The following PAQR5 variants were observed in gnomAD, a reference collection of about 807,000 sequenced individuals.
PAQR5 encodes membrane progestin receptor gamma.
PAQR5 carries 20 observed loss-of-function variants against 34.5 expected under a neutral mutation model. The ratio of observed to expected loss-of-function variants is 0.58; its 90% confidence interval spans 0.41 to 0.84. The LOEUF is 0.84. Among genes scored for constraint, PAQR5 ranks in the 40% least tolerant of loss-of-function variants. The pLI is 0.00. For missense variants in PAQR5, 378 were observed against 412.7 expected (o/e 0.92, Z 0.73); for synonymous variants, 131 against 155.6 (o/e 0.84, Z 1.18).
At chr15:69,391,568 TG>T (rs751321045) in intron 6 of PAQR5, 44 of 436,846 alleles carry the variant, frequency 1.0e-4, no homozygotes, top group South Asian at 7.0e-4. Context: ...CCTGGGTGCA[TG>T]GGCTTGTGGA....
At chr15:69,329,463 C>CTTTTTTTTT (rs1038357937) in intron 1 of PAQR5, among the ~76,000 whole-genome samples, 29 of 73,764 alleles carry the variant, frequency 3.9e-4, no homozygotes, top group African/African-American at 6.9e-4. Flanking sequence ...TTTTTTCTTT[C>CTTTTTTTTT]TTTTTTTTTT....
chr15:69,310,813 T>C (rs1396595618), intron 1 of PAQR5, among the ~76,000 whole-genome samples: 6 of 150,266 alleles, frequency 4.0e-5, no homozygotes, highest in Non-Finnish European at 8.9e-5. Context: ...CCAAGGCGGG[T>C]GGATCATGAG....
chr15:69,345,845 GT>G (rs887686686), intron 2 of PAQR5, among the ~76,000 whole-genome samples: 2 of 152,188 alleles, frequency 1.3e-5, no homozygotes, highest in African/African-American at 4.8e-5. Flanking sequence ...AGGCGAGAAG[GT>G]TGCTTGATGC....
At position 69,352,601 on chromosome 15, in the gene PAQR5, C is replaced by T. The variant is rs190203487; in HGVS notation, c.-115-7365C>T. On this transcript the variant is annotated intron_variant, in intron 2 of 8. Transcript: ENST00000395407. ...GGGGCCTGCCGTCCAGATGGATCTG[C>T]GTGATATGCAGGCTACCTGAAAATG... Among the ~76,000 whole-genome samples the T allele has an allele frequency of 2.0e-4, 31 of 152,290 alleles. No homozygotes were observed. In the East Asian group the frequency reaches 5.0e-3, roughly 25 times the overall value.
intron 2 of PAQR5, among the ~76,000 whole-genome samples, chr15:69,356,013 A>C (rs2055068299): frequency 1.3e-5 from 2 of 152,064 alleles, no homozygotes; most frequent in African/African-American, 4.8e-5. Context: ...TGAATGAAGA[A>C]ATTAATGAAT....
At chr15:69,387,104 C>T (rs2056133394) in intron 5 of PAQR5, among the ~76,000 whole-genome samples, 2 of 152,212 alleles carry the variant, frequency 1.3e-5, no homozygotes, top group Admixed American at 6.5e-5. Context: ...ACAGCCTTCT[C>T]CACCTCACCC....
At chr15:69,387,070 C>T (rs895543681) in intron 5 of PAQR5, among the ~76,000 whole-genome samples, 8 of 152,132 alleles carry the variant, frequency 5.3e-5, no homozygotes, top group Non-Finnish European at 7.4e-5. Context: ...ACTCAGGCCC[C>T]GGCCTCTCAC....
intron 1 of PAQR5, among the ~76,000 whole-genome samples, chr15:69,329,364 G>A (rs2054325736): frequency 6.6e-6 from 1 of 151,834 alleles, no homozygotes; most frequent in Admixed American, 6.6e-5. Context: ...AGGAGGTGGG[G>A]GATGAAGGGG....
In PAQR5 at chr15:69,361,340, GTTGGTCAGGAAGA is replaced by G. The variant is rs772011378; in HGVS notation, c.51+1212_51+1224del. Among the ~76,000 whole-genome samples the G allele has an allele frequency of 4.5e-4, 68 of 152,220 alleles. 1 individual carries two copies. Among genetic ancestry groups the G allele is most frequent in the Non-Finnish European group, 8.5e-4 (58 of 68,046 alleles). On this transcript the variant is annotated intron_variant, in intron 3 of 8. Coordinates refer to ENST00000395407, the MANE Select transcript of PAQR5 (RefSeq NM_017705.4). ...AATCCTGTCCTTGCGTGACTCATAT[GTTGGTCAGGAAGA>G]TTTTTAAATGTGCATGAGAAATTCT...
chr15:69,319,498 CA>C (rs1312526012), intron 1 of PAQR5, among the ~76,000 whole-genome samples: 1 of 151,936 alleles, frequency 6.6e-6, no homozygotes, highest in East Asian at 2.0e-4. Flanking sequence ...AGCCTGATAA[CA>C]GGGTGATCCC....
At chr15:69,388,361 C>G (rs529349962) in intron 5 of PAQR5, among the ~76,000 whole-genome samples, 1 of 152,172 alleles carries the variant, frequency 6.6e-6, no homozygotes, top group South Asian at 2.1e-4. Flanking sequence ...TGTCAGAATC[C>G]GGGATGACCT....
intron 1 of PAQR5, among the ~76,000 whole-genome samples, chr15:69,328,845 GC>G (rs2054313036): frequency 6.6e-6 from 1 of 152,212 alleles, no homozygotes; most frequent in Non-Finnish European, 1.5e-5. Context: ...AGAGGGCAAG[GC>G]CAGTGCAGCC....
intron 4 of PAQR5, among the ~76,000 whole-genome samples, chr15:69,383,410 A>C (rs1444524731): frequency 8.2e-6 from 1 of 121,574 alleles, no homozygotes; most frequent in African/African-American, 3.3e-5. Context: ...TTCATCGTGG[A>C]GGGTGAGTGG....
chr15:69,399,503 G>T (rs1004133457), intron 7 of PAQR5, among the ~76,000 whole-genome samples: 1 of 152,210 alleles, frequency 6.6e-6, no homozygotes, highest in African/African-American at 2.4e-5. Context: ...TAAGTTTGGG[G>T]GAGTCAAAAG....
rs114624577 is a variant in PAQR5 at position 69,310,476 on chromosome 15, G to T, written c.-277+11420G>T. ...ATGATTTATTGATATAGTTTAACCT[G>T]CATTTTTGAATAAAGTTAAATATAT... On this transcript the variant is annotated intron_variant, in intron 1 of 8. Transcript: ENST00000395407. Among the ~76,000 whole-genome samples the T allele has an allele frequency of 6.8e-3, 1,042 of 152,214 alleles. 11 individuals are homozygous for T. The highest frequency in any genetic ancestry group is 0.024 in the African/African-American group (999 of 41,520).
intron 1 of PAQR5, among the ~76,000 whole-genome samples, chr15:69,310,512 A>T (rs2053806952): frequency 6.6e-6 from 1 of 152,252 alleles, no homozygotes; most frequent in South Asian, 2.1e-4. Context: ...TATTACAGAT[A>T]TAAAAGTCAT....
chr15:69,355,462 C>G lies in PAQR5; in HGVS notation c.-115-4504C>G, dbSNP rs575152534. Among the ~76,000 whole-genome samples, 6 of 149,634 alleles carry G rather than the reference C, an allele frequency of 4.0e-5. No individual in the cohort carries two copies. The South Asian group carries it at 1.3e-3, about 32-fold the overall frequency. ...TTGAGACAGAGTCTCACTCTGTTGC[C>G]CAGGCTGGAGTGTAGTGGTGAGATC... On this transcript the variant is annotated intron_variant, in intron 2 of 8. Transcript: ENST00000395407.
At chr15:69,373,253 G>C (rs1325632374) in intron 3 of PAQR5, among the ~76,000 whole-genome samples, 1 of 138,586 alleles carries the variant, frequency 7.2e-6, no homozygotes, top group East Asian at 2.2e-4. Flanking sequence ...TTTCACCTGG[G>C]ACGTTGCTGC....
chr15:69,402,699 A>G (rs746256508), intron 8 of PAQR5, among the ~76,000 whole-genome samples: 9 of 152,180 alleles, frequency 5.9e-5, no homozygotes, highest in Non-Finnish European at 1.2e-4. Context: ...TATTTCTCTA[A>G]AGATCCTATC....
Sources: allele counts gnomAD v4.1 joint callset (sites outside exome capture counted in the v4.1 genomes callset), GRCh38; gene constraint gnomAD v4.1.1; transcripts MANE v1.5; gene names NCBI Gene and HGNC (gene_info 2026-07-23, HGNC 2026-07-21).